The following FRMPD4 variants were observed in gnomAD, a reference collection of about 807,000 sequenced individuals.
FRMPD4 encodes FERM and PDZ domain-containing protein 4.
A neutral mutation model predicts 94.1 loss-of-function variants in FRMPD4; 22 were observed. The ratio of observed to expected loss-of-function variants is 0.23; its 90% CI spans 0.17 to 0.33. FRMPD4 has a LOEUF of 0.33. Ranked by LOEUF, FRMPD4 falls within the 10% of genes least tolerant of loss-of-function variation. The probability of loss-of-function intolerance (pLI) is 1.00; values close to 1 mark genes in which losing one functional copy is unlikely to be tolerated. For synonymous variants in FRMPD4, 631 were observed against 548.6 expected (o/e 1.15, Z -2.10); for missense variants, 1,111 against 1,339.9 (o/e 0.83, Z 2.67).
intron 1 of FRMPD4, among the ~76,000 whole-genome samples, chrX:12,185,423 G>A (rs1169637926): frequency 9.0e-6 from 1 of 111,187 alleles, no homozygotes; most frequent in Non-Finnish European, 1.9e-5. Flanking sequence ...TATAGCATGG[G>A]TACAAAGATA....
chrX:12,145,899 G>T (rs985887792), intron 1 of FRMPD4, among the ~76,000 whole-genome samples: 2 of 111,984 alleles, frequency 1.8e-5, no homozygotes, highest in Non-Finnish European at 3.8e-5. Flanking sequence ...CGCTCTGGGG[G>T]ACTTAAACTG....
chrX:12,077,180 C>T (rs2055026504), intron 3 of FRMPD4, among the ~76,000 whole-genome samples: 1 of 112,330 alleles, frequency 8.9e-6, no homozygotes, highest in African/African-American at 3.2e-5. Context: ...TTTACATCAT[C>T]TGCCTCCTCC....
chrX:11,959,343 T>C (rs1236687610), intron 3 of FRMPD4, among the ~76,000 whole-genome samples: 1 of 112,167 alleles, frequency 8.9e-6, no homozygotes, highest in African/African-American at 3.2e-5. Context: ...GGTGGCCAAA[T>C]ATACATATTC....
At chrX:12,071,426 A>T (rs1279024402) in intron 3 of FRMPD4, among the ~76,000 whole-genome samples, 1 of 111,652 alleles carries the variant, frequency 9.0e-6, no homozygotes, top group Non-Finnish European at 1.9e-5. Context: ...GCAGAACTTA[A>T]CTCTTTATAA....
intron 1 of FRMPD4, among the ~76,000 whole-genome samples, chrX:12,400,087 A>G (rs7886713): frequency 0.073 from 8,153 of 111,744 alleles, 687 homozygotes; most frequent in African/African-American, 0.25. Context: ...TTCCCCAGAC[A>G]GGGGAAAGTG....
chrX:12,537,979 G>C (rs1439489926), intron 2 of FRMPD4, among the ~76,000 whole-genome samples: 1 of 110,875 alleles, frequency 9.0e-6, no homozygotes, highest in South Asian at 3.9e-4. Flanking sequence ...TGAGGTACCG[G>C]GTTCATCTCA....
chrX:11,844,084 T>A (rs1157308620), intron 1 of FRMPD4, among the ~76,000 whole-genome samples: 1 of 106,397 alleles, frequency 9.4e-6, no homozygotes, highest in Non-Finnish European at 1.9e-5. Context: ...GCCTCCCAAG[T>A]TGAAGAGATT....
intron 1 of FRMPD4, among the ~76,000 whole-genome samples, chrX:12,400,463 G>T (rs960814302): frequency 8.9e-6 from 1 of 111,737 alleles, no homozygotes; most frequent in Admixed American, 9.5e-5. Context: ...TGTAGCAAGC[G>T]CCATGTCATA....
At chrX:11,954,797 T>C (rs1365381338) in intron 3 of FRMPD4, among the ~76,000 whole-genome samples, 2 of 110,218 alleles carry the variant, frequency 1.8e-5, no homozygotes, top group Admixed American at 1.9e-4. Flanking sequence ...TGGTAGAAAC[T>C]GCAAATTCCT....
At chrX:12,561,136 C>G (rs953873971) in intron 2 of FRMPD4, among the ~76,000 whole-genome samples, 1 of 111,664 alleles carries the variant, frequency 9.0e-6, no homozygotes, top group Admixed American at 9.5e-5. Flanking sequence ...TGTTATTTAT[C>G]TATTTTTACT....
At position 12,694,439 on chromosome X, in the gene FRMPD4, G is replaced by A. The variant is rs769483423; in HGVS notation, c.918G>A (p.Glu306=). Reference sequence around the variant, plus strand: ...TAAGGAGAGATCCAGTTGCTTTCGAGTATCTCTATGTTCAGGTATGTTAAA... The same window carrying A: ...TAAGGAGAGATCCAGTTGCTTTCGAATATCTCTATGTTCAGGTATGTTAAA... The part of the protein sequence containing the change: ...DLLRRDPVAF[E]YLYVQSCNDV... Residue 306 remains glutamate (E), a synonymous_variant, in exon 9 of 17, where the codon GAG becomes GAA. Coordinates refer to ENST00000675598, the MANE Select transcript of FRMPD4 (RefSeq NM_001368397.1). 6.7e-6 allele frequency: 8 copies of A among 1,197,448 alleles called. No individual in the cohort carries two copies. The South Asian group carries it at 8.8e-5, about 13-fold the overall frequency.
chrX:11,923,347 C>T (rs1184391754), intron 3 of FRMPD4, among the ~76,000 whole-genome samples: 2 of 112,066 alleles, frequency 1.8e-5, no homozygotes, highest in Non-Finnish European at 3.8e-5. Flanking sequence ...GTGATCACTC[C>T]TGTTTGCAGG....
chrX:11,924,873 A>T (rs1263226732), intron 3 of FRMPD4, among the ~76,000 whole-genome samples: 4 of 111,834 alleles, frequency 3.6e-5, no homozygotes, highest in Non-Finnish European at 1.9e-5. Flanking sequence ...ACCAGCTAAC[A>T]TGATGACAGG....
At chrX:12,439,890 C>T (rs1483431294) in intron 1 of FRMPD4, among the ~76,000 whole-genome samples, 3 of 111,520 alleles carry the variant, frequency 2.7e-5, no homozygotes, top group African/African-American at 9.8e-5. Flanking sequence ...TTGACCTTTC[C>T]AAAAATGGGG....
rs777592251 is a variant in FRMPD4 at position 11,852,809 on chromosome X, G to A, written c.-160-12277G>A. On this transcript the variant is annotated intron_variant, in intron 1 of 18. Coordinates refer to the FRMPD4 transcript ENST00000640291. ...CTTAGACTCCTACACAATAATAGAG[G>A]GGGACTTTAACACCCCACTGAGAAT... Among the ~76,000 whole-genome samples, 16 of 111,333 alleles carry A rather than the reference G, an allele frequency of 1.4e-4. No individual in the cohort carries two copies. In the South Asian group the frequency reaches 5.4e-3, roughly 37 times the overall value.
At chrX:12,081,945 A>G (rs2055065568) in intron 3 of FRMPD4, among the ~76,000 whole-genome samples, 1 of 112,195 alleles carries the variant, frequency 8.9e-6, no homozygotes, top group African/African-American at 3.2e-5. Context: ...GATTGACAAT[A>G]TTTTTAGTTT....
At position 12,133,209 on chromosome X, in the gene FRMPD4, A is replaced by ATTTATTTTATTTTAT. The variant is rs60859880; in HGVS notation, c.95+255220_95+255234dup. ...GGTAAAACCCTTCTGGTTTCTAAAA[A>ATTTATTTTATTTTAT]TTTATTTTATTTTATTTTATTTTAT... On this transcript the variant is annotated intron_variant, in intron 3 of 18. Coordinates refer to the FRMPD4 transcript ENST00000640291. Among the ~76,000 whole-genome samples, 654 of 98,158 alleles carry ATTTATTTTATTTTAT rather than the reference A, an allele frequency of 6.7e-3. 9 individuals carry two copies. The highest frequency in any genetic ancestry group is 0.024 in the African/African-American group (610 of 25,372). 85.2% of individuals were successfully genotyped at this position (98,158 alleles called of 115,157 possible).
chrX:12,322,886 T>C (rs1042918431), intron 1 of FRMPD4, among the ~76,000 whole-genome samples: 1 of 111,684 alleles, frequency 9.0e-6, no homozygotes, highest in East Asian at 2.8e-4. Context: ...ACATTAGTTA[T>C]ATATTATATA....
chrX:11,853,346 C>G (rs181378820), intron 1 of FRMPD4, among the ~76,000 whole-genome samples: 85 of 111,121 alleles, frequency 7.6e-4, no homozygotes, highest in African/African-American at 2.6e-3. Flanking sequence ...ACTACAGAAC[C>G]AAGAGTAAAC....
Sources: allele counts gnomAD v4.1 joint callset (sites outside exome capture counted in the v4.1 genomes callset), GRCh38; gene constraint gnomAD v4.1.1; transcripts MANE v1.5; gene names NCBI Gene and HGNC (gene_info 2026-07-23, HGNC 2026-07-21).